TMTC1: variants seen among roughly 807,000 people sequenced by gnomAD.
TMTC1 encodes the protein protein O-mannosyl-transferase TMTC1.
A neutral mutation model predicts 104.8 loss-of-function variants in TMTC1; 73 were observed. That is an observed-to-expected ratio of 0.70 (90% CI 0.58 to 0.85). TMTC1 has a LOEUF of 0.85. Among genes scored for constraint, TMTC1 ranks in the 40% least tolerant of loss-of-function variants. TMTC1 has a pLI of 0.00. For missense variants in TMTC1, 1,035 were observed against 1,096.1 expected, an observed-to-expected ratio of 0.94 and a Z score of 0.79; for synonymous variants, 434 against 428.7, an observed-to-expected ratio of 1.01 and a Z score of -0.15.
Position 29,502,592 on chromosome 12 carries a change from G to A in TMTC1, c.*4254C>T, listed in dbSNP as rs1478248233. 3.3e-5 allele frequency: 5 copies of A among 152,154 alleles called. No homozygotes were observed. The highest frequency in any genetic ancestry group is 1.2e-4 in the African/African-American group (5 of 41,444). The allele number at this position is 152,154 out of a possible 1,614,324, so 9.4% of individuals were successfully genotyped here. A position where few individuals can be genotyped will look rare whatever the true frequency, so the allele number is the denominator to read the frequency against. The stretch of plus-strand genomic sequence containing the variant: ...CCAAATTGCAGTCCAATTGCCACAA[G>A]TGCAAAACCACCCCACATAACCACC... On this transcript the variant is annotated 3_prime_UTR_variant, in exon 18 of 18. Transcript: ENST00000539277.
At chr12:29,631,086 T>G (rs1938272361) in intron 6 of TMTC1, among the ~76,000 whole-genome samples, 1 of 152,212 alleles carries the variant, frequency 6.6e-6, no homozygotes, top group Admixed American at 6.5e-5. Context: ...TACTTGGATC[T>G]TTTCTCCATT....
chr12:29,683,913 G>T (rs955248663), intron 5 of TMTC1, among the ~76,000 whole-genome samples: 10 of 150,542 alleles, frequency 6.6e-5, no homozygotes, highest in African/African-American at 9.8e-5. Context: ...GTATGATCTC[G>T]GCTCACTGCA....
intron 5 of TMTC1, among the ~76,000 whole-genome samples, chr12:29,709,371 T>C (rs896168737): frequency 1.3e-5 from 2 of 152,154 alleles, no homozygotes; most frequent in Non-Finnish European, 2.9e-5. Context: ...TGTGTGTATA[T>C]TAAGTGAGAT....
At chr12:29,563,501 G>A (rs1037991771) in intron 9 of TMTC1, among the ~76,000 whole-genome samples, 2 of 152,094 alleles carry the variant, frequency 1.3e-5, no homozygotes, top group Non-Finnish European at 2.9e-5. Flanking sequence ...GAGTGGGTAT[G>A]TTTTGAATAC....
intron 5 of TMTC1, among the ~76,000 whole-genome samples, chr12:29,733,087 G>A (rs1942585984): frequency 6.6e-6 from 1 of 152,166 alleles, no homozygotes. Context: ...CTTTTGACAA[G>A]TTCTTTTCTC....
intron 5 of TMTC1, among the ~76,000 whole-genome samples, chr12:29,662,275 T>C (rs1005018348): frequency 1.3e-5 from 2 of 152,114 alleles, no homozygotes; most frequent in African/African-American, 4.8e-5. Context: ...TACACAAAGG[T>C]AATGTTCTAT....
chr12:29,512,186 A>C, intron 16 of TMTC1, 66 bp from the exon 17 acceptor site: 1 of 1,317,712 alleles, frequency 7.6e-7, no homozygotes, highest in African/African-American at 1.5e-5. Context: ...TGCAGAAACC[A>C]CTTTCTTCAC....
At chr12:29,664,124 T>C (rs1311526781) in intron 5 of TMTC1, among the ~76,000 whole-genome samples, 4 of 149,344 alleles carry the variant, frequency 2.7e-5, no homozygotes, top group Admixed American at 1.3e-4. Context: ...GAGGCGGAGC[T>C]TGCAGTGAGC....
At chr12:29,515,500 G>A (rs1257101794) in intron 15 of TMTC1, among the ~76,000 whole-genome samples, 5 of 152,094 alleles carry the variant, frequency 3.3e-5, no homozygotes, top group Admixed American at 2.0e-4. Context: ...TTGCATGTGC[G>A]TTTCCCTGCC....
At chr12:29,757,913 T>A (rs1464639546) in intron 3 of TMTC1, among the ~76,000 whole-genome samples, 1 of 151,910 alleles carries the variant, frequency 6.6e-6, no homozygotes, top group East Asian at 1.9e-4. Flanking sequence ...ACCCCCATGA[T>A]TCAACTACCT....
chr12:29,567,754 T>C (rs555353820), intron 9 of TMTC1, among the ~76,000 whole-genome samples: 3 of 152,294 alleles, frequency 2.0e-5, no homozygotes, highest in Non-Finnish European at 2.9e-5. Flanking sequence ...AAAATACTCA[T>C]TGACTCCTGG....
intron 5 of TMTC1, among the ~76,000 whole-genome samples, chr12:29,683,397 A>C (rs1940985813): frequency 6.6e-6 from 1 of 152,236 alleles, no homozygotes; most frequent in Non-Finnish European, 1.5e-5. Flanking sequence ...AGATTTAAAA[A>C]GAAAGAAGTT....
intron 11 of TMTC1, among the ~76,000 whole-genome samples, chr12:29,521,854 C>T (rs1005166315): frequency 1.3e-5 from 2 of 152,168 alleles, no homozygotes; most frequent in African/African-American, 2.4e-5. Context: ...AGGCATGAAC[C>T]ACTGCACTTG....
chr12:29,591,948 T>C (rs1946294678), intron 7 of TMTC1, among the ~76,000 whole-genome samples: 1 of 130,690 alleles, frequency 7.7e-6, no homozygotes, highest in South Asian at 2.4e-4. Context: ...CTCATTCACA[T>C]TTACAGCAGA....
intron 8 of TMTC1, among the ~76,000 whole-genome samples, chr12:29,574,145 C>T (rs1592255114): frequency 6.6e-6 from 1 of 152,122 alleles, no homozygotes; most frequent in African/African-American, 2.4e-5. Context: ...AAGGTGATGG[C>T]TGATTCTTTG....
At chr12:29,606,332 T>C (rs536323639) in intron 6 of TMTC1, among the ~76,000 whole-genome samples, 43 of 152,342 alleles carry the variant, frequency 2.8e-4, no homozygotes, top group African/African-American at 1.0e-3. Context: ...ACCAACACTA[T>C]ATAAGCATTA....
chr12:29,621,050 G>A (rs191143356), intron 6 of TMTC1, among the ~76,000 whole-genome samples: 17 of 152,268 alleles, frequency 1.1e-4, no homozygotes, highest in African/African-American at 4.1e-4. Flanking sequence ...ATAATAGCAC[G>A]AAGAGGATTT....
intron 5 of TMTC1, among the ~76,000 whole-genome samples, chr12:29,643,681 ATT>A (rs1939032105): frequency 8.9e-3 from 3 of 336 alleles, no homozygotes; most frequent in African/African-American, 0.011. Flanking sequence ...ATATCTATAT[ATT>A]ATATATATTA....
chr12:29,504,730 T>G lies in TMTC1; in HGVS notation c.*2116A>C, dbSNP rs1241537120. The G allele has an allele frequency of 6.6e-6, 1 of 152,230 alleles. No individual in the cohort carries two copies. Among genetic ancestry groups the G allele is most frequent in the Non-Finnish European group, 1.5e-5 (1 of 68,046 alleles). The allele number at this position is 152,230 out of a possible 1,614,324, so 9.4% of individuals were successfully genotyped here. A position where few individuals can be genotyped will look rare whatever the true frequency, so the allele number is the denominator to read the frequency against. Reference sequence around the variant, plus strand: ...TCACCATTTCTGTTATTCCAACAAATGTACTCTCCTACCTTTATTAGCACT... The same window carrying G: ...TCACCATTTCTGTTATTCCAACAAAGGTACTCTCCTACCTTTATTAGCACT... On this transcript the variant is annotated 3_prime_UTR_variant, in exon 18 of 18. Transcript: ENST00000539277.
Sources: gnomAD v4.1 joint callset for allele counts (sites outside exome capture counted in the v4.1 genomes callset) on GRCh38, gnomAD v4.1.1 for gene constraint, MANE v1.5 for transcripts, NCBI Gene and HGNC (gene_info 2026-07-23, HGNC 2026-07-21) for gene names.